Variants in DIP2C observed in about 807,000 individuals in gnomAD.
DIP2C encodes DIP2 acetate--CoA ligase C (putative).
In DIP2C, 33 loss-of-function variants were observed where a neutral mutation model predicts 192.4. The ratio of observed to expected loss-of-function variants is 0.17; its 90% confidence interval spans 0.13 to 0.23. The LOEUF is 0.23. Ranked by LOEUF, DIP2C falls within the 10% of genes least tolerant of loss-of-function variation. The probability of loss-of-function intolerance (pLI) is 1.00; values close to 1 mark genes in which losing one functional copy is unlikely to be tolerated. For synonymous variants in DIP2C, 979 were observed against 864.1 expected (o/e 1.13, Z -2.33); for missense variants, 1,537 against 2,110.1 (o/e 0.73, Z 5.32).
At chr10:650,022 A>T (rs1338844126) in intron 1 of DIP2C, 2 of 666,542 alleles carry the variant, frequency 3.0e-6, no homozygotes, top group African/African-American at 1.8e-5. Flanking sequence ...CCTTATTAGG[A>T]AGGCAATTCT....
chr10:354,898 G>C (rs1959003551), intron 24 of DIP2C, among the ~76,000 whole-genome samples: 1 of 151,822 alleles, frequency 6.6e-6, no homozygotes, highest in Admixed American at 6.6e-5. Context: ...AAACACTACT[G>C]GGAGAGGACA....
At chr10:284,453 A>G (rs1408373927) in intron 34 of DIP2C, among the ~76,000 whole-genome samples, 1 of 152,246 alleles carries the variant, frequency 6.6e-6, no homozygotes, top group Non-Finnish European at 1.5e-5. Flanking sequence ...TTGCAACAGC[A>G]TGGATGTACC....
chr10:296,199 C>T (rs1426921311), intron 32 of DIP2C, among the ~76,000 whole-genome samples: 1 of 152,176 alleles, frequency 6.6e-6, no homozygotes, highest in Non-Finnish European at 1.5e-5. Context: ...CTTGCCCATG[C>T]CTATGTCCTG....
rs534321510 is a variant in DIP2C at position 549,629 on chromosome 10, C to T, written c.86-63099G>A. Among the ~76,000 whole-genome samples the T allele has an allele frequency of 1.6e-3, 236 of 152,104 alleles. 1 individual carries two copies. Among genetic ancestry groups the T allele is most frequent in the African/African-American group, 5.2e-3 (214 of 41,492 alleles). ...TGGCTTCAGAGGGGAGGGGTGCCCC[C>T]GACCAGGTGCCGGGGGCTTCAGAGC... On this transcript the variant is annotated intron_variant, in intron 1 of 36. Transcript: ENST00000280886.
chr10:379,132 C>T (rs1355571648), intron 17 of DIP2C, among the ~76,000 whole-genome samples: 1 of 150,576 alleles, frequency 6.6e-6, no homozygotes, highest in Admixed American at 6.6e-5. Context: ...GCCCAGGCGC[C>T]AGCCTGCTCC....
At chr10:326,112 G>C (rs570562279) in intron 31 of DIP2C, among the ~76,000 whole-genome samples, 5 of 151,224 alleles carry the variant, frequency 3.3e-5, no homozygotes, top group Admixed American at 2.6e-4. Context: ...GCCTGGGAGC[G>C]GGGGGCAGGG....
At chr10:320,801 TACTCACAG>T (rs1374677346) in intron 31 of DIP2C, among the ~76,000 whole-genome samples, 1 of 152,138 alleles carries the variant, frequency 6.6e-6, no homozygotes, top group African/African-American at 2.4e-5. Context: ...GTAAAACAGC[TACTCACAG>T]AGCAGAAGCG....
rs1437826797 is a variant in DIP2C, at chr10:689,175, C to T, written c.85+319G>A. Among the ~76,000 whole-genome samples the T allele has an allele frequency of 6.6e-6, 1 of 151,262 alleles. No homozygotes were observed. The highest frequency in any genetic ancestry group is 6.6e-5 in the Admixed American group (1 of 15,230). On this transcript the variant is annotated intron_variant, in intron 1 of 36. Coordinates refer to ENST00000280886, the MANE Select transcript of DIP2C (RefSeq NM_014974.3). The surrounding 1 kb of genome is among the most constrained non-coding windows in gnomAD (Gnocchi z 6.1). ...AGGGCGCGGGGGGATCGCGGCCCCA[C>T]AAACATCCCAGGGCGCGGGGGATCG...
intron 1 of DIP2C, among the ~76,000 whole-genome samples, chr10:578,716 T>G (rs986924261): frequency 6.6e-6 from 1 of 152,110 alleles, no homozygotes; most frequent in African/African-American, 2.4e-5. Flanking sequence ...ACATACTATA[T>G]GTACATAGGT....
chr10:541,675 A>C (rs1335355770), intron 1 of DIP2C, among the ~76,000 whole-genome samples: 70 of 61,232 alleles, frequency 1.1e-3, no homozygotes, highest in African/African-American at 1.8e-3. Context: ...CTCTCCTGGA[A>C]CCCCAAGAGT....
At chr10:475,934 G>A (rs1335867286) in intron 2 of DIP2C, among the ~76,000 whole-genome samples, 3 of 152,176 alleles carry the variant, frequency 2.0e-5, no homozygotes, top group African/African-American at 7.2e-5. Flanking sequence ...GATACCTCTG[G>A]GTAGCACAAA....
Position 280,841 on chromosome 10 carries a change from A to G in DIP2C, c.4418+359T>C, listed in dbSNP as rs534201943. The stretch of plus-strand genomic sequence containing the variant: ...ATGTCTCATGTTACTTCCAGTTCCC[A>G]AGTCAACAGTCATAAAAGTATTTTC... On this transcript the variant is annotated intron_variant, in intron 36 of 36. Coordinates refer to ENST00000280886, the MANE Select transcript of DIP2C (RefSeq NM_014974.3). Among the ~76,000 whole-genome samples the G allele has an allele frequency of 3.3e-5, 5 of 152,302 alleles. No individual in the cohort carries two copies. The East Asian group carries it at 9.6e-4, about 29-fold the overall frequency.
At chr10:471,229 TGTGTCCTCTTTTGCATGG>T (rs1970600144) in intron 3 of DIP2C, among the ~76,000 whole-genome samples, 1 of 152,070 alleles carries the variant, frequency 6.6e-6, no homozygotes. Flanking sequence ...GGCTCTCAGG[TGTGTCCTCTTTTGCATGG>T]GTGACACTCT....
At chr10:361,363 T>C (rs1362023152) in intron 22 of DIP2C, among the ~76,000 whole-genome samples, 1 of 152,146 alleles carries the variant, frequency 6.6e-6, no homozygotes, top group Non-Finnish European at 1.5e-5. Context: ...CCCACTGGGT[T>C]TTCCTGACCT....
chr10:626,429 G>A lies in DIP2C; in HGVS notation c.85+63065C>T, dbSNP rs557894049. Among the ~76,000 whole-genome samples the A allele has an allele frequency of 2.4e-3, 354 of 148,530 alleles. 1 individual carries two copies. Among genetic ancestry groups the A allele is most frequent in the Middle Eastern group, 0.01 (3 of 292 alleles). ...GTGTTACCCTCCATCCCCCATCCTCGGTGTTACCCTCCGTCCCCCCGTCCC... is the reference window on the plus strand; with the variant it reads ...GTGTTACCCTCCATCCCCCATCCTCAGTGTTACCCTCCGTCCCCCCGTCCC... On this transcript the variant is annotated intron_variant, in intron 1 of 36. Transcript: ENST00000280886.
At position 418,234 on chromosome 10, in the gene DIP2C, T is replaced by C. The variant is rs1481463059; in HGVS notation, c.739+831A>G. ...CTGTCCACCTGTTCCTGTCAGGGCT[T>C]CGATAGGCCTCCCTGTTCACTGCAC... On this transcript the variant is annotated intron_variant, in intron 6 of 36. Coordinates refer to ENST00000280886, the MANE Select transcript of DIP2C (RefSeq NM_014974.3). Among the ~76,000 whole-genome samples, 56 of 106,378 alleles carry C rather than the reference T, an allele frequency of 5.3e-4. 3 individuals are homozygous for C. Among genetic ancestry groups the C allele is most frequent in the African/African-American group, 1.9e-3 (46 of 23,674 alleles). 69.8% of individuals were successfully genotyped at this position (106,378 alleles called of 152,430 possible).
intron 1 of DIP2C, among the ~76,000 whole-genome samples, chr10:500,138 C>A (rs1002004006): frequency 6.6e-6 from 1 of 152,252 alleles, no homozygotes; most frequent in African/African-American, 2.4e-5. Flanking sequence ...CCCTCCCCTA[C>A]ATCTGTACCT....
chr10:320,285 G>A (rs542762886), intron 31 of DIP2C, among the ~76,000 whole-genome samples: 142 of 152,300 alleles, frequency 9.3e-4, no homozygotes, highest in African/African-American at 3.3e-3. Flanking sequence ...TGAGGTGGGA[G>A]GATCACGAGG....
chr10:349,834 T>A (rs1958704269), intron 24 of DIP2C, among the ~76,000 whole-genome samples: 1 of 152,182 alleles, frequency 6.6e-6, no homozygotes, highest in South Asian at 2.1e-4. Flanking sequence ...CTAGTACACC[T>A]GCACATCGGA....
Sources: allele counts gnomAD v4.1 joint callset (sites outside exome capture counted in the v4.1 genomes callset), GRCh38; gene constraint gnomAD v4.1.1; non-coding constraint Gnocchi (gnomAD v3.1); transcripts MANE v1.5; gene names NCBI Gene and HGNC (gene_info 2026-07-23, HGNC 2026-07-21).